Variants in GUCY1A2 observed in about 807,000 individuals in gnomAD.
GUCY1A2 encodes the protein guanylate cyclase soluble subunit alpha-2.
A neutral mutation model predicts 63.5 loss-of-function variants in GUCY1A2; 27 were observed. That is an observed-to-expected ratio of 0.43 (90% CI 0.31 to 0.59). GUCY1A2 has a LOEUF of 0.59. Among genes scored for constraint, GUCY1A2 ranks in the 20% least tolerant of loss-of-function variants. The pLI is 0.11. For missense variants in GUCY1A2, 768 were observed against 913.3 expected (o/e 0.84, Z 2.05); for synonymous variants, 364 against 343.5 (o/e 1.06, Z -0.66).
intron 2 of GUCY1A2, 45 bp from the exon 3 acceptor site, chr11:106,978,785 A>G (rs1475329329): frequency 6.7e-7 from 1 of 1,482,770 alleles, no homozygotes; most frequent in Non-Finnish European, 9.3e-7. Flanking sequence ...TTTTGAAAGC[A>G]TCTGCGAATG....
At chr11:106,827,197 C>A in intron 4 of GUCY1A2, 1 of 1,514,400 alleles carries the variant, frequency 6.6e-7, no homozygotes, top group Non-Finnish European at 9.2e-7. Flanking sequence ...TCCCAACGCA[C>A]TGCCTACATT....
rs570858932 is a variant in GUCY1A2, at chr11:106,901,599, T to A, written c.1206+37861A>T. On this transcript the variant is annotated intron_variant, in intron 4 of 7. Transcript: ENST00000526355. ...ATGTTGGTGTGCTGCACCCATTAAC[T>A]CGTCATTTACATTAGGTATATCTCC... Among the ~76,000 whole-genome samples the A allele has an allele frequency of 1.1e-4, 17 of 152,190 alleles. No individual in the cohort carries two copies. The East Asian group carries it at 3.1e-3, about 28-fold the overall frequency.
chr11:106,773,709 G>C (rs774414708), intron 6 of GUCY1A2, among the ~76,000 whole-genome samples: 7 of 152,152 alleles, frequency 4.6e-5, no homozygotes, highest in Non-Finnish European at 1.0e-4. Flanking sequence ...CAAACTAGTA[G>C]GGAGAAATGC....
chr11:106,928,487 GAA>G (rs1251506401), intron 4 of GUCY1A2, among the ~76,000 whole-genome samples: 1 of 134,580 alleles, frequency 7.4e-6, no homozygotes, highest in African/African-American at 2.7e-5. Context: ...TATCTCCAAG[GAA>G]AAAAAAAAAA....
At chr11:106,725,632 A>G (rs148636587) in intron 6 of GUCY1A2, among the ~76,000 whole-genome samples, 1,584 of 152,294 alleles carry the variant, frequency 0.01, 36 homozygotes, top group African/African-American at 0.036. Context: ...AGTATCATGT[A>G]TAGTATATGG....
chr11:106,759,611 C>G (rs1275822366), intron 6 of GUCY1A2, among the ~76,000 whole-genome samples: 1 of 152,136 alleles, frequency 6.6e-6, no homozygotes, highest in Non-Finnish European at 1.5e-5. Flanking sequence ...GGGGGGACCC[C>G]CCAATCCAAT....
Position 106,686,542 on chromosome 11 carries a change from C to A in GUCY1A2, c.*1007G>T. 4.6e-6 allele frequency: 1 copy of A among 217,528 alleles called. No homozygotes were observed. The highest frequency in any genetic ancestry group is 9.3e-6 in the Non-Finnish European group (1 of 108,036). The allele number at this position is 217,528 out of a possible 1,614,324, so 13.5% of individuals were successfully genotyped here. On this transcript the variant is annotated 3_prime_UTR_variant, in exon 8 of 8. Coordinates refer to ENST00000526355, the MANE Select transcript of GUCY1A2 (RefSeq NM_000855.3). ...AGAATAGCAGTCGGCTCTTAGGAGGCATCAACTGGGGAAGAGGAAGGGGGT... is the reference window on the plus strand; with the variant it reads ...AGAATAGCAGTCGGCTCTTAGGAGGAATCAACTGGGGAAGAGGAAGGGGGT...
chr11:106,816,942 G>C (rs2135428010), intron 4 of GUCY1A2, among the ~76,000 whole-genome samples: 1 of 151,558 alleles, frequency 6.6e-6, no homozygotes, highest in South Asian at 2.1e-4. Context: ...TTAAAAACAT[G>C]AAATGTATAA....
chr11:106,789,848 A>G lies in GUCY1A2; in HGVS notation c.1693-13266T>C, dbSNP rs867238225. On this transcript the variant is annotated intron_variant, in intron 5 of 7. Coordinates refer to ENST00000526355, the MANE Select transcript of GUCY1A2 (RefSeq NM_000855.3). ...TTTTTCTCTTCCCTTACTTTCTCCC[A>G]AACAATGGGAGTCTCTCTCTCTGTG... Among the ~76,000 whole-genome samples the G allele has an allele frequency of 4.6e-5, 7 of 152,228 alleles. No homozygotes were observed. In the South Asian group the frequency reaches 1.5e-3, roughly 32 times the overall value.
At chr11:106,772,917 A>G (rs1864282964) in intron 6 of GUCY1A2, among the ~76,000 whole-genome samples, 1 of 152,166 alleles carries the variant, frequency 6.6e-6, no homozygotes, top group African/African-American at 2.4e-5. Context: ...GCATGGTAGA[A>G]GTACCATTCA....
intron 6 of GUCY1A2, among the ~76,000 whole-genome samples, chr11:106,712,743 G>A (rs1863141894): frequency 6.6e-6 from 1 of 152,094 alleles, no homozygotes; most frequent in African/African-American, 2.4e-5. Flanking sequence ...CCCTTACTAA[G>A]GCAAGAACCT....
intron 3 of GUCY1A2, among the ~76,000 whole-genome samples, chr11:106,949,833 C>CT (rs1860881349): frequency 6.6e-6 from 1 of 152,156 alleles, no homozygotes; most frequent in Non-Finnish European, 1.5e-5. Context: ...ATGAAGACCA[C>CT]TATAGTAACC....
chr11:106,846,634 G>A (rs986608743), intron 4 of GUCY1A2, among the ~76,000 whole-genome samples: 1 of 151,650 alleles, frequency 6.6e-6, no homozygotes, highest in Admixed American at 6.6e-5. Context: ...TTTCCCAGAC[G>A]CTCTGACCTC....
At chr11:106,878,134 T>C (rs1859775616) in intron 4 of GUCY1A2, among the ~76,000 whole-genome samples, 2 of 151,980 alleles carry the variant, frequency 1.3e-5, no homozygotes, top group Admixed American at 1.3e-4. Context: ...AAATAACAGG[T>C]GCTGGCACGG....
At chr11:106,773,873 C>G (rs1398576280) in intron 6 of GUCY1A2, among the ~76,000 whole-genome samples, 1 of 152,026 alleles carries the variant, frequency 6.6e-6, no homozygotes, top group Non-Finnish European at 1.5e-5. Context: ...TTTTAATGTT[C>G]TAAACTTTTA....
intron 4 of GUCY1A2, among the ~76,000 whole-genome samples, chr11:106,895,745 C>G (rs1860038468): frequency 6.6e-6 from 1 of 152,152 alleles, no homozygotes. Context: ...AACTTCCTAA[C>G]TCATTCTGAG....
At chr11:106,812,203 G>A (rs1411169336) in intron 4 of GUCY1A2, among the ~76,000 whole-genome samples, 11 of 151,716 alleles carry the variant, frequency 7.3e-5, no homozygotes, top group African/African-American at 1.9e-4. Context: ...TGACATAAGC[G>A]CAAAAACCTT....
chr11:106,884,962 C>CT (rs2135474138), intron 4 of GUCY1A2, among the ~76,000 whole-genome samples: 1 of 152,212 alleles, frequency 6.6e-6, no homozygotes, highest in South Asian at 2.1e-4. Flanking sequence ...CAATAGCTCT[C>CT]TTTTTTCTTT....
At chr11:106,819,174 T>C (rs1461700984) in intron 4 of GUCY1A2, among the ~76,000 whole-genome samples, 2 of 152,182 alleles carry the variant, frequency 1.3e-5, no homozygotes, top group Non-Finnish European at 2.9e-5. Flanking sequence ...AAGTTACTTC[T>C]TACAGATGGG....
Sources: allele counts gnomAD v4.1 joint callset (sites outside exome capture counted in the v4.1 genomes callset), GRCh38; gene constraint gnomAD v4.1.1; transcripts MANE v1.5; gene names NCBI Gene and HGNC (gene_info 2026-07-23, HGNC 2026-07-21).